APBB2: variants seen among roughly 807,000 people sequenced by gnomAD.
APBB2 encodes the protein Fe65-like 1.
APBB2 carries 38 observed loss-of-function variants against 82.5 expected under a neutral mutation model. The ratio of observed to expected loss-of-function variants is 0.46; its 90% confidence interval spans 0.36 to 0.60. The LOEUF (loss-of-function observed/expected upper bound fraction) is 0.60, where lower values mean the gene tolerates loss of function less well. APBB2 is among the 20% of genes least tolerant of loss of function. APBB2 has a pLI of 0.00. For synonymous variants in APBB2, 341 were observed against 368.2 expected (o/e 0.93, Z 0.85); for missense variants, 772 against 972.3 (o/e 0.79, Z 2.74).
intron 6 of APBB2, among the ~76,000 whole-genome samples, chr4:40,964,657 C>T (rs1365050903): frequency 6.6e-6 from 1 of 151,642 alleles, no homozygotes; most frequent in Non-Finnish European, 1.5e-5. Context: ...CAGAATGGAG[C>T]ACCATCCAGC....
At chr4:40,886,255 G>A (rs146985501) in intron 12 of APBB2, among the ~76,000 whole-genome samples, 44 of 152,316 alleles carry the variant, frequency 2.9e-4, no homozygotes, top group African/African-American at 1.0e-3. Context: ...GAGGCATGTA[G>A]AGCACCTGAG....
At chr4:41,109,768 C>A (rs1185229101) in intron 2 of APBB2, among the ~76,000 whole-genome samples, 1 of 152,128 alleles carries the variant, frequency 6.6e-6, no homozygotes, top group Non-Finnish European at 1.5e-5. Context: ...CTGCGCCTGG[C>A]CAAGAAAGCA....
intron 12 of APBB2, chr4:40,848,891 T>C (rs1183689455): frequency 2.0e-6 from 2 of 985,206 alleles, no homozygotes; most frequent in Non-Finnish European, 2.4e-6. Flanking sequence ...CCCCCAGTCA[T>C]TGTCAACATT....
At chr4:40,922,377 G>T (rs1314079897) in intron 10 of APBB2, among the ~76,000 whole-genome samples, 1 of 152,200 alleles carries the variant, frequency 6.6e-6, no homozygotes, top group Admixed American at 6.5e-5. Context: ...TGAATCTACT[G>T]CAGACTGCTG....
chr4:40,813,492 C>T lies in APBB2; in HGVS notation c.*2600G>A, dbSNP rs191608134. ...AAACAAATACACACATACTTTCATA[C>T]ATACTTTTTGGCCATGGCAGAAAGT... On this transcript the variant is annotated 3_prime_UTR_variant, in exon 18 of 18. Transcript: ENST00000508593. 1 of 152,262 alleles carries T rather than the reference C, an allele frequency of 6.6e-6. No homozygotes were observed. The highest frequency in any genetic ancestry group is 6.5e-5 in the Admixed American group (1 of 15,292). 9.4% of individuals were successfully genotyped at this position (152,262 alleles called of 1,614,324 possible).
At position 41,165,178 on chromosome 4, in the gene APBB2, T is replaced by G. The variant is rs1766168489; in HGVS notation, c.-416-22036A>C. On this transcript the variant is annotated intron_variant, in intron 1 of 17. Coordinates refer to ENST00000508593, the MANE Select transcript of APBB2 (RefSeq NM_004307.2). ...CAGTTAGAATCCAAAGAACCCCAGG[T>G]GTGCCATTGTAGCGGTGTAGCAAGT... Among the ~76,000 whole-genome samples, 3 of 150,570 alleles carry G rather than the reference T, an allele frequency of 2.0e-5. No homozygotes were observed. In the South Asian group the frequency reaches 6.2e-4, roughly 31 times the overall value.
intron 10 of APBB2, among the ~76,000 whole-genome samples, chr4:40,912,985 TA>T (rs1262352366): frequency 6.6e-6 from 1 of 152,230 alleles, no homozygotes; most frequent in Non-Finnish European, 1.5e-5. Context: ...ATGGCTGATT[TA>T]CACTACAGAT....
intron 12 of APBB2, among the ~76,000 whole-genome samples, chr4:40,854,764 G>C (rs1189042852): frequency 7.1e-6 from 1 of 141,110 alleles, no homozygotes; most frequent in East Asian, 2.0e-4. Context: ...ACTCCAGCCT[G>C]GGCGATAAGA....
chr4:40,839,793 T>A (rs146852072), intron 12 of APBB2, among the ~76,000 whole-genome samples: 3,967 of 151,846 alleles, frequency 0.026, 79 homozygotes, highest in Non-Finnish European at 0.037. Context: ...GCCTCCCGAG[T>A]AGCTGGGATT....
chr4:40,977,752 G>A (rs1289813218), intron 6 of APBB2, among the ~76,000 whole-genome samples: 1 of 152,196 alleles, frequency 6.6e-6, no homozygotes, highest in African/African-American at 2.4e-5. Context: ...CAAGAGGTCC[G>A]AGGCTAGGAA....
chr4:41,169,183 CAAAA>C (rs60032221), intron 1 of APBB2, among the ~76,000 whole-genome samples: 5 of 60,722 alleles, frequency 8.2e-5, no homozygotes, highest in East Asian at 5.6e-4. Flanking sequence ...CACTCCGTCT[CAAAA>C]AAAAAAAAAA....
At chr4:41,129,102 G>A (rs1040095593) in intron 2 of APBB2, among the ~76,000 whole-genome samples, 2 of 151,844 alleles carry the variant, frequency 1.3e-5, no homozygotes, top group Non-Finnish European at 2.9e-5. Context: ...CCACAATCCT[G>A]GCCATTTTTC....
rs766302548 is a variant in APBB2 at position 41,013,689 on chromosome 4, G to A, written c.729C>T (p.Thr243=). The change falls in exon 6 of 18, where the codon ACC becomes ACT. Residue 243 remains threonine (T), a synonymous_variant. Transcript: ENST00000508593. Reference sequence around the variant, plus strand: ...TCTGGATCCGGTGCAGTGCACAGTCGGTTTTGGCCCCTGTTTTCGGATGAT... The same window carrying A: ...TCTGGATCCGGTGCAGTGCACAGTCAGTTTTGGCCCCTGTTTTCGGATGAT... ...KKDHPKTGAK[T]DCALHRIQNL... The A allele has an allele frequency of 8.7e-6, 14 of 1,614,060 alleles. No individual in the cohort carries two copies. The highest frequency in any genetic ancestry group is 5.0e-5 in the Admixed American group (3 of 60,006).
chr4:40,881,269 C>T, intron 12 of APBB2: 1 of 985,008 alleles, frequency 1.0e-6, no homozygotes, highest in Non-Finnish European at 1.2e-6. Context: ...CTCCCTGAGG[C>T]AAGACAGCAC....
At chr4:41,047,126 G>A (rs191425867) in intron 4 of APBB2, among the ~76,000 whole-genome samples, 1 of 152,320 alleles carries the variant, frequency 6.6e-6, no homozygotes, top group Non-Finnish European at 1.5e-5. Context: ...AGGTCCTACT[G>A]TGCAGCAAAT....
chr4:40,911,381 T>C (rs1778506212), intron 10 of APBB2, among the ~76,000 whole-genome samples: 1 of 152,218 alleles, frequency 6.6e-6, no homozygotes, highest in South Asian at 2.1e-4. Context: ...GTGTATAAAG[T>C]GCTCACAATG....
intron 2 of APBB2, among the ~76,000 whole-genome samples, chr4:41,134,313 C>T (rs1756935093): frequency 6.6e-6 from 1 of 152,040 alleles, no homozygotes; most frequent in Admixed American, 6.5e-5. Flanking sequence ...GGCGCAGTGG[C>T]TCATGCCTGT....
chr4:41,099,188 T>C (rs1302059356), intron 3 of APBB2, among the ~76,000 whole-genome samples: 6 of 152,212 alleles, frequency 3.9e-5, no homozygotes, highest in African/African-American at 1.4e-4. Flanking sequence ...TGTCTATGTC[T>C]GTGTGTATGT....
intron 4 of APBB2, among the ~76,000 whole-genome samples, chr4:41,036,160 A>C (rs376769481): frequency 2.2e-4 from 34 of 152,280 alleles, no homozygotes; most frequent in Middle Eastern, 3.4e-3. Context: ...CCTATCTCTA[A>C]AAAATAATTA....
Sources: allele counts gnomAD v4.1 joint callset (sites outside exome capture counted in the v4.1 genomes callset), GRCh38; gene constraint gnomAD v4.1.1; transcripts MANE v1.5; gene names NCBI Gene and HGNC (gene_info 2026-07-23, HGNC 2026-07-21).